RMC1: variants seen among roughly 807,000 people sequenced by gnomAD.
RMC1 encodes the protein regulator of MON1-CCZ1, also known as regulator of MON1-CCZ1 complex.
Under a neutral mutation model 95.5 loss-of-function variants are expected in RMC1, and 44 were observed. The observed-to-expected ratio is 0.46, with a 90% CI of 0.36 to 0.59. RMC1 has a LOEUF of 0.59. Among genes scored for constraint, RMC1 ranks in the 20% least tolerant of loss-of-function variants. The probability of loss-of-function intolerance (pLI) is 0.00; values close to 1 mark genes in which losing one functional copy is unlikely to be tolerated. For missense variants in RMC1, 705 were observed against 819.6 expected (o/e 0.86, Z 1.71); for synonymous variants, 320 against 303.6 (o/e 1.05, Z -0.56).
At chr18:23,527,944 C>T in intron 14 of RMC1, 43 bp downstream of exon 14, 1 of 1,447,786 alleles carries the variant, frequency 6.9e-7, no homozygotes, top group Non-Finnish European at 9.5e-7. Context: ...CTCCCCCACC[C>T]CCTCCCGGGT....
Position 23,515,847 on chromosome 18 carries a change from C to G in RMC1, c.409-9C>G. The G allele has an allele frequency of 6.2e-7, 1 of 1,614,012 alleles. No individual in the cohort carries two copies. The highest frequency in any genetic ancestry group is 8.5e-7 in the Non-Finnish European group (1 of 1,179,960). ...AAATGAAGATCCTGTTTCTTAAACT[C>G]TGCTTCAGGTATTACCAGAGAAACG... is the stretch of plus-strand genomic sequence containing the variant. On this transcript the variant is annotated splice_polypyrimidine_tract_variant and intron_variant, in intron 5 of 19. Coordinates refer to ENST00000269221, the MANE Select transcript of RMC1 (RefSeq NM_013326.5).
chr18:23,513,976 T>C (rs1204785757), intron 5 of RMC1, among the ~76,000 whole-genome samples: 3 of 152,252 alleles, frequency 2.0e-5, no homozygotes, highest in Non-Finnish European at 2.9e-5. Context: ...GGAGGTTGCC[T>C]TTCCACTCTG....
At chr18:23,524,941 C>CTTTTTTTT (rs5823396) in intron 12 of RMC1, among the ~76,000 whole-genome samples, 8 of 69,214 alleles carry the variant, frequency 1.2e-4, no homozygotes, top group East Asian at 5.1e-4. Flanking sequence ...TTAGAGAAAT[C>CTTTTTTTT]TTTTTTTTTT....
intron 13 of RMC1, 134 bp downstream of exon 13, chr18:23,526,899 C>CTAT: frequency 8.4e-7 from 1 of 1,190,488 alleles, no homozygotes; most frequent in South Asian, 1.6e-5. Flanking sequence ...TGAGGGGTGG[C>CTAT]TATGTGACCC....
intron 7 of RMC1, among the ~76,000 whole-genome samples, 190 bp from the exon 8 acceptor site, chr18:23,518,700 G>C (rs750488157): frequency 1.3e-5 from 2 of 152,148 alleles, no homozygotes; most frequent in Non-Finnish European, 2.9e-5. Context: ...GCTGTGTTTA[G>C]TGTGTGTTCT....
At chr18:23,504,976 G>T (rs992340578) in intron 2 of RMC1, among the ~76,000 whole-genome samples, 3 of 152,134 alleles carry the variant, frequency 2.0e-5, no homozygotes, top group African/African-American at 7.2e-5. Context: ...CTGTAACACT[G>T]GTGCTTACAG....
At chr18:23,507,371 C>T (rs1363559328) in intron 3 of RMC1, among the ~76,000 whole-genome samples, 4 of 152,246 alleles carry the variant, frequency 2.6e-5, no homozygotes, top group East Asian at 1.9e-4. Context: ...GTGATTCTCT[C>T]GCCTCAGTCT....
rs779048985 is a variant in RMC1, at chr18:23,530,459, T to C, written c.1741T>C (p.Phe581Leu). Residue 581 changes from phenylalanine to leucine, a missense_variant, in exon 19 of 20, where the codon TTT becomes CTT. By Grantham distance (22) the Phe-to-Leu change is conservative. Coordinates refer to ENST00000269221, the MANE Select transcript of RMC1 (RefSeq NM_013326.5). ...SKHQVLAALR[F>L]IRGIGGHDNI... Reference sequence around the variant, plus strand: ...ACACCAAGTGTTAGCTGCCTTAAGGTTTATCCGGGGCATTGGTGGCCATGA... The same window carrying C: ...ACACCAAGTGTTAGCTGCCTTAAGGCTTATCCGGGGCATTGGTGGCCATGA... 7.4e-6 allele frequency: 12 copies of C among 1,614,144 alleles called. No homozygotes were observed. The highest frequency in any genetic ancestry group is 1.0e-5 in the Non-Finnish European group (12 of 1,180,062).
Position 23,530,210 on chromosome 18 carries a change from G to T in RMC1, c.1600-19G>T. 2 of 1,614,118 alleles carry T rather than the reference G, an allele frequency of 1.2e-6. No homozygotes were observed. The highest frequency in any genetic ancestry group is 1.7e-6 in the Non-Finnish European group (2 of 1,180,014). On this transcript the variant is annotated intron_variant, in intron 17 of 19. Transcript: ENST00000269221. Reference sequence around the variant, plus strand: ...ACCGTTATCTTTCCAACTGAAGTGGGTCTAAAAATGTCTTTCAGGCTTGTC... The same window carrying T: ...ACCGTTATCTTTCCAACTGAAGTGGTTCTAAAAATGTCTTTCAGGCTTGTC...
intron 11 of RMC1, 109 bp downstream of exon 11, chr18:23,524,283 A>G (rs1188601018): frequency 2.7e-6 from 4 of 1,500,898 alleles, no homozygotes; most frequent in Non-Finnish European, 3.7e-6. Context: ...TCCGAGAGCC[A>G]CCCCGCAGGC....
In RMC1 at chr18:23,516,011, C is replaced by T. The variant is rs1403281371; in HGVS notation, c.549+15C>T. ...TTCACTTTAGGGTAAGAGGAAGCCT[C>T]CCCTGAAAAAAACACCTTTCCCCAG... On this transcript the variant is annotated intron_variant, in intron 6 of 19. Coordinates refer to ENST00000269221, the MANE Select transcript of RMC1 (RefSeq NM_013326.5). The T allele has an allele frequency of 1.9e-6, 3 of 1,612,716 alleles. No homozygotes were observed. Among genetic ancestry groups the T allele is most frequent in the Non-Finnish European group, 2.5e-6 (3 of 1,179,696 alleles).
At chr18:23,516,540 C>A in intron 7 of RMC1, 117 bp downstream of exon 7, 2 of 1,014,234 alleles carry the variant, frequency 2.0e-6, no homozygotes, top group Non-Finnish European at 1.5e-6. Context: ...ATAAGGAGGA[C>A]TCCCCTTGTT....
intron 19 of RMC1, 116 bp downstream of exon 19, chr18:23,530,728 T>TCA: frequency 1.1e-6 from 1 of 909,918 alleles, no homozygotes; most frequent in South Asian, 1.7e-5. Flanking sequence ...CACAATTTGA[T>TCA]AACAGCCCAC....
chr18:23,529,707 G>C lies in RMC1; in HGVS notation c.1489G>C (p.Val497Leu). 1.9e-6 allele frequency: 3 copies of C among 1,612,822 alleles called. No homozygotes were observed. Among genetic ancestry groups the C allele is most frequent in the Non-Finnish European group, 2.5e-6 (3 of 1,179,012 alleles). Residue 497 changes from valine to leucine, a missense_variant, in exon 16 of 20, where the codon GTA (valine) becomes CTA (leucine). Transcript: ENST00000269221. Reference protein sequence around the residue: ...IRSLNQFQIAVQHYLHELVIK... With the variant: ...IRSLNQFQIALQHYLHELVIK... ...TTCTCTTAACCAGTTTCAGATTGCA[G>C]TACAGGTACCTTCAAATCATCTGGG...
At chr18:23,531,508 CAATGTATTTTATTAAAGAAAAAT>C in intron 19 of RMC1, 94 bp from the exon 20 acceptor site, 1 of 1,493,026 alleles carries the variant, frequency 6.7e-7, no homozygotes, top group Non-Finnish European at 8.9e-7. Flanking sequence ...CTTAGGAAAA[CAATGTATTTTATTAAAGAAAAAT>C]AAGTTAAAAC....
At chr18:23,520,168 ATTT>A in intron 9 of RMC1, 31 bp from the exon 10 acceptor site, 1 of 1,531,902 alleles carries the variant, frequency 6.5e-7, no homozygotes, top group African/African-American at 1.4e-5. Context: ...ACCATGATTG[ATTT>A]TGGCCTCAGT....
chr18:23,523,392 CAATGGATAATCGAACT>C (rs1274679919), intron 10 of RMC1, among the ~76,000 whole-genome samples: 1 of 151,986 alleles, frequency 6.6e-6, no homozygotes, highest in African/African-American at 2.4e-5. Context: ...CTACTCTATG[CAATGGATAATCGAACT>C]AATTATTTAG....
At chr18:23,516,254 A>G (rs2058002181) in intron 6 of RMC1, 66 bp from the exon 7 acceptor site, 3 of 1,549,642 alleles carry the variant, frequency 1.9e-6, no homozygotes, top group Admixed American at 1.7e-5. Context: ...TTGGTTTTAC[A>G]CAGGGAATGA....
At chr18:23,525,707 G>GC (rs1278224022) in intron 12 of RMC1, among the ~76,000 whole-genome samples, 1 of 152,216 alleles carries the variant, frequency 6.6e-6, no homozygotes, top group African/African-American at 2.4e-5. Flanking sequence ...ACAGGTGTGA[G>GC]CCACCACAGC....
Sources: allele counts gnomAD v4.1 joint callset (sites outside exome capture counted in the v4.1 genomes callset), GRCh38; gene constraint gnomAD v4.1.1; transcripts MANE v1.5; gene names NCBI Gene and HGNC (gene_info 2026-07-23, HGNC 2026-07-21).